IL21R: variants seen among roughly 807,000 people sequenced by gnomAD.
The protein encoded by IL21R is interleukin-21 receptor.
IL21R carries 14 observed loss-of-function variants against 41.3 expected under a neutral mutation model. That is an observed-to-expected ratio of 0.34 (90% CI 0.22 to 0.53). The LOEUF (loss-of-function observed/expected upper bound fraction) is 0.53, where lower values mean the gene tolerates loss of function less well. IL21R is among the 20% of genes least tolerant of loss of function. The pLI, the probability that IL21R is intolerant of heterozygous loss-of-function variation, is 0.94. For synonymous variants in IL21R, 286 were observed against 287.6 expected (o/e 0.99, Z 0.05); for missense variants, 588 against 681.6 (o/e 0.86, Z 1.53).
intron 3 of IL21R, among the ~76,000 whole-genome samples, chr16:27,434,724 C>T (rs1281668701): frequency 3.9e-5 from 6 of 152,090 alleles, no homozygotes; most frequent in Non-Finnish European, 7.4e-5. Context: ...TACCAGGCCC[C>T]CAACTACACG....
At chr16:27,420,136 T>C (rs1184267697) in intron 1 of IL21R, among the ~76,000 whole-genome samples, 2 of 152,130 alleles carry the variant, frequency 1.3e-5, no homozygotes, top group African/African-American at 2.4e-5. Context: ...ATGATCTGCC[T>C]GCCTTGGCCT....
At chr16:27,440,294 G>A (rs1191272206) in intron 4 of IL21R, among the ~76,000 whole-genome samples, 5 of 148,918 alleles carry the variant, frequency 3.4e-5, no homozygotes, top group Non-Finnish European at 3.0e-5. Flanking sequence ...GCAAGCGCGC[G>A]CCAGGGTGTA....
chr16:27,444,841 T>C, intron 6 of IL21R, 122 bp downstream of exon 6: 1 of 929,430 alleles, frequency 1.1e-6, no homozygotes, highest in Non-Finnish European at 1.6e-6. Context: ...TCCTCAGATG[T>C]AGCCCTTCAA....
chr16:27,431,263 T>C (rs1431068114), intron 2 of IL21R, among the ~76,000 whole-genome samples: 1 of 152,230 alleles, frequency 6.6e-6, no homozygotes, highest in Non-Finnish European at 1.5e-5. Flanking sequence ...CATCCTCATC[T>C]TGGTTCTAAA....
In IL21R at chr16:27,449,919, C is replaced by T. The variant is rs1469723133; in HGVS notation, c.*636C>T. 1 of 233,832 alleles carries T rather than the reference C, an allele frequency of 4.3e-6. No individual in the cohort carries two copies. Among genetic ancestry groups the T allele is most frequent in the Non-Finnish European group, 8.4e-6 (1 of 118,480 alleles). The allele number at this position is 233,832 out of a possible 1,614,324, so 14.5% of individuals were successfully genotyped here. ...GAATCCCGACTCTGATACCTTCTGG[C>T]TGTGCTACCTGAGCCAAGTCGCCTC... On this transcript the variant is annotated 3_prime_UTR_variant, in exon 9 of 9. Transcript: ENST00000337929.
At position 27,450,338 on chromosome 16, in the gene IL21R, G is replaced by C. The variant is rs2087570063; in HGVS notation, c.*1055G>C. 2 of 231,876 alleles carry C rather than the reference G, an allele frequency of 8.6e-6. No homozygotes were observed. The highest frequency in any genetic ancestry group is 1.7e-5 in the Non-Finnish European group (2 of 117,172). 14.4% of individuals were successfully genotyped at this position (231,876 alleles called of 1,614,324 possible). A position where few individuals can be genotyped will look rare whatever the true frequency, so the allele number is the denominator to read the frequency against. On this transcript the variant is annotated 3_prime_UTR_variant, in exon 9 of 9. Transcript: ENST00000337929. Reference sequence around the variant, plus strand: ...ATTACGTAGCAGGCCATGGCTCATGGGACCCACCCCCCGTGGCACTCATGG... The same window carrying C: ...ATTACGTAGCAGGCCATGGCTCATGCGACCCACCCCCCGTGGCACTCATGG...
At chr16:27,439,424 ACT>A (rs2087338065) in intron 4 of IL21R, among the ~76,000 whole-genome samples, 1 of 151,514 alleles carries the variant, frequency 6.6e-6, no homozygotes, top group South Asian at 2.1e-4. Context: ...CTCTCACATC[ACT>A]CATACATGGG....
chr16:27,446,543 T>TCACA (rs1462646343), intron 8 of IL21R, among the ~76,000 whole-genome samples: 5 of 150,940 alleles, frequency 3.3e-5, no homozygotes, highest in Non-Finnish European at 7.4e-5. Context: ...TGAGCTATGA[T>TCACA]CACACCACTG....
chr16:27,423,206 A>G (rs754147486), intron 1 of IL21R, among the ~76,000 whole-genome samples: 1 of 151,064 alleles, frequency 6.6e-6, no homozygotes, highest in Non-Finnish European at 1.5e-5. Context: ...CTTAAGTACT[A>G]TATAAGTTGG....
At chr16:27,420,480 A>T (rs563799806) in intron 1 of IL21R, among the ~76,000 whole-genome samples, 1 of 152,198 alleles carries the variant, frequency 6.6e-6, no homozygotes, top group Admixed American at 6.5e-5. Flanking sequence ...CACACTTGTG[A>T]TTGATTATTA....
At chr16:27,421,872 G>A (rs755135166) in intron 1 of IL21R, among the ~76,000 whole-genome samples, 3 of 151,854 alleles carry the variant, frequency 2.0e-5, no homozygotes, top group African/African-American at 2.4e-5. Flanking sequence ...TTACCTAATT[G>A]CCTTGGCTAG....
intron 1 of IL21R, among the ~76,000 whole-genome samples, chr16:27,408,663 C>A (rs1336550772): frequency 6.6e-6 from 1 of 152,148 alleles, no homozygotes; most frequent in East Asian, 1.9e-4. Flanking sequence ...TTAACACTTC[C>A]TCTTCTGGTG....
intron 4 of IL21R, among the ~76,000 whole-genome samples, chr16:27,438,269 G>C (rs1001780010): frequency 6.6e-6 from 1 of 151,880 alleles, no homozygotes; most frequent in South Asian, 2.1e-4. Flanking sequence ...ATAATGAGGC[G>C]AATGGACGAC....
At chr16:27,433,226 G>A (rs1372896566) in intron 2 of IL21R, among the ~76,000 whole-genome samples, 5 of 152,174 alleles carry the variant, frequency 3.3e-5, no homozygotes, top group Admixed American at 2.6e-4. Context: ...CAGCACTTTG[G>A]GAGGCTGAGG....
intron 1 of IL21R, among the ~76,000 whole-genome samples, chr16:27,420,732 A>T (rs1368603292): frequency 6.6e-6 from 1 of 152,220 alleles, no homozygotes; most frequent in Non-Finnish European, 1.5e-5. Context: ...TGATTTGCAA[A>T]TGCTTTTTTT....
intron 1 of IL21R, among the ~76,000 whole-genome samples, chr16:27,405,011 G>A (rs540515598): frequency 4.6e-5 from 7 of 151,972 alleles, no homozygotes; most frequent in African/African-American, 7.2e-5. Context: ...AGAAGTGCCC[G>A]CTATCATGTT....
At chr16:27,403,265 G>A in intron 1 of IL21R, 1 of 1,320,810 alleles carries the variant, frequency 7.6e-7, no homozygotes, top group Non-Finnish European at 9.9e-7. Context: ...GGAGAGGAGG[G>A]TGGGGAGGTC....
intron 1 of IL21R, among the ~76,000 whole-genome samples, chr16:27,418,731 AAC>A (rs1407087028): frequency 6.6e-6 from 1 of 152,162 alleles, no homozygotes; most frequent in Non-Finnish European, 1.5e-5. Flanking sequence ...CTTTTGTAAT[AAC>A]AGTTATCTTA....
intron 1 of IL21R, among the ~76,000 whole-genome samples, chr16:27,418,050 AT>A (rs761670170): frequency 0.04 from 5,332 of 132,330 alleles, 187 homozygotes; most frequent in East Asian, 0.21. Flanking sequence ...ATTTTATTTT[AT>A]TTTATTTTAT....
Sources: allele counts gnomAD v4.1 joint callset (sites outside exome capture counted in the v4.1 genomes callset), GRCh38; gene constraint gnomAD v4.1.1; transcripts MANE v1.5; gene names NCBI Gene and HGNC (gene_info 2026-07-23, HGNC 2026-07-21).